OCA2: variants seen among roughly 807,000 people sequenced by gnomAD.
OCA2 encodes the protein OCA2 melanosomal transmembrane protein.
A neutral mutation model predicts 100.2 loss-of-function variants in OCA2; 77 were observed. The ratio of observed to expected loss-of-function variants is 0.77; its 90% CI spans 0.64 to 0.93. The LOEUF is 0.93. Ranked by LOEUF, OCA2 falls within the 40% of genes least tolerant of loss-of-function variation. The pLI, the probability that OCA2 is intolerant of heterozygous loss-of-function variation, is 0.00. For synonymous variants in OCA2, 432 were observed against 439.2 expected, an observed-to-expected ratio of 0.98 and a Z score of 0.21; for missense variants, 1,062 against 1,089.1, an observed-to-expected ratio of 0.98 and a Z score of 0.35.
At chr15:27,981,864 C>T (rs2041172862) in intron 14 of OCA2, among the ~76,000 whole-genome samples, 1 of 152,190 alleles carries the variant, frequency 6.6e-6, no homozygotes, top group Non-Finnish European at 1.5e-5. Flanking sequence ...TTCATCCTCT[C>T]AACTCAGGGG....
At chr15:27,930,025 A>G (rs1191641598) in intron 18 of OCA2, among the ~76,000 whole-genome samples, 1 of 152,184 alleles carries the variant, frequency 6.6e-6, no homozygotes, top group East Asian at 1.9e-4. Context: ...GGAACTTTCA[A>G]GCACTGCTGG....
intron 15 of OCA2, among the ~76,000 whole-genome samples, chr15:27,964,304 A>G (rs1311185722): frequency 6.6e-6 from 1 of 152,260 alleles, no homozygotes; most frequent in East Asian, 1.9e-4. Flanking sequence ...ATGTACACAA[A>G]AACAAAATGC....
chr15:27,933,752 C>T (rs373688829), intron 18 of OCA2, among the ~76,000 whole-genome samples: 13 of 152,232 alleles, frequency 8.5e-5, no homozygotes, highest in Middle Eastern at 3.4e-3. Context: ...GTTGGGACAG[C>T]GCAGGAACAA....
At chr15:27,931,967 T>C (rs2039267332) in intron 18 of OCA2, among the ~76,000 whole-genome samples, 1 of 152,222 alleles carries the variant, frequency 6.6e-6, no homozygotes, top group African/African-American at 2.4e-5. Context: ...AAACCTGCTC[T>C]GTACCTGCCT....
At chr15:28,075,177 T>C (rs2044393075) in intron 2 of OCA2, among the ~76,000 whole-genome samples, 1 of 151,926 alleles carries the variant, frequency 6.6e-6, no homozygotes, top group Non-Finnish European at 1.5e-5. Flanking sequence ...TTGGACAACA[T>C]CAAAATTAAA....
At chr15:27,940,689 G>C (rs1385186057) in intron 18 of OCA2, among the ~76,000 whole-genome samples, 2 of 152,160 alleles carry the variant, frequency 1.3e-5, no homozygotes, top group Non-Finnish European at 2.9e-5. Flanking sequence ...ATGTCATCTG[G>C]TCTGTTTGCA....
chr15:27,782,096 T>A (rs1396616168), intron 23 of OCA2, among the ~76,000 whole-genome samples: 1 of 152,242 alleles, frequency 6.6e-6, no homozygotes, highest in African/African-American at 2.4e-5. Flanking sequence ...TTTCTGTCTT[T>A]CCTTTTTTGC....
At chr15:27,844,386 C>T (rs1298822786) in intron 23 of OCA2, among the ~76,000 whole-genome samples, 1 of 152,246 alleles carries the variant, frequency 6.6e-6, no homozygotes, top group Non-Finnish European at 1.5e-5. Context: ...CAAGCTCCCA[C>T]TGGAATATTC....
At chr15:27,830,924 T>A (rs138448544) in intron 23 of OCA2, among the ~76,000 whole-genome samples, 2 of 152,286 alleles carry the variant, frequency 1.3e-5, no homozygotes, top group Admixed American at 1.3e-4. Flanking sequence ...TTGATGGAGC[T>A]ACAGAACCTT....
the OCA2 span, among the ~76,000 whole-genome samples, chr15:27,721,417 C>T: frequency 6.6e-5 from 10 of 152,182 alleles, no homozygotes; most frequent in South Asian, 6.2e-4. Context: ...TCACATTATA[C>T]GTGACACTAC....
At chr15:27,742,270 T>G in the OCA2 span, among the ~76,000 whole-genome samples, 2 of 152,192 alleles carry the variant, frequency 1.3e-5, no homozygotes, top group Non-Finnish European at 2.9e-5. Flanking sequence ...GGCTGCAGAT[T>G]GCAAGTTAAA....
In OCA2 at chr15:27,957,676, G is replaced by A. The variant is rs1192052771; in HGVS notation, c.1696C>T (p.Arg566Cys). ...AGGCGGCGCACAGCTGTCTCCTCGC[G>A]GCTGGCCGGGCTGATGCGCTGAGCA... ...LTAQRISPAS[R>C]EETAVRRLLL... The change falls in exon 16 of 24, where the codon CGC (arginine) becomes TGC (cysteine). Residue 566 changes from arginine (R) to cysteine (C), a missense_variant. Transcript: ENST00000354638. This position sits in a 1 kb window ranked among gnomAD's most constrained non-coding sequence, Gnocchi z 4.3. 1.4e-5 allele frequency: 22 copies of A among 1,612,944 alleles called. No homozygotes were observed. The highest frequency in any genetic ancestry group is 5.3e-5 in the African/African-American group (4 of 74,912).
intron 18 of OCA2, among the ~76,000 whole-genome samples, chr15:27,931,803 C>G (rs2703962): frequency 0.41 from 62,314 of 152,058 alleles, 12,827 homozygotes; most frequent in Middle Eastern, 0.52. Context: ...TCCAAACTAC[C>G]CTTTTGTCTC....
intron 18 of OCA2, among the ~76,000 whole-genome samples, chr15:27,946,764 T>C (rs1567139587): frequency 6.6e-6 from 1 of 152,220 alleles, no homozygotes; most frequent in Non-Finnish European, 1.5e-5. Flanking sequence ...ACTAGAATCT[T>C]TCCCAAGGCA....
At chr15:27,722,746 C>T in the OCA2 span, among the ~76,000 whole-genome samples, 1 of 130,718 alleles carries the variant, frequency 7.7e-6, no homozygotes, top group African/African-American at 2.9e-5. Flanking sequence ...TTTCTTCTTT[C>T]TTCTTCTTTC....
intron 19 of OCA2, among the ~76,000 whole-genome samples, chr15:27,909,329 C>A (rs1480422676): frequency 6.6e-6 from 1 of 152,152 alleles, no homozygotes; most frequent in Non-Finnish European, 1.5e-5. Context: ...GCTATTGCCA[C>A]ATTAATGTAT....
intron 14 of OCA2, among the ~76,000 whole-genome samples, chr15:27,981,103 C>T (rs912939549): frequency 3.3e-5 from 5 of 152,160 alleles, no homozygotes; most frequent in African/African-American, 1.2e-4. Flanking sequence ...ATTAATCTTT[C>T]CTTATGTAAT....
At chr15:28,071,160 A>T (rs976930576) in intron 2 of OCA2, among the ~76,000 whole-genome samples, 1 of 117,340 alleles carries the variant, frequency 8.5e-6, no homozygotes, top group African/African-American at 5.7e-5. Flanking sequence ...AATTATCAAT[A>T]AAAAAATAAA....
rs750093178 is a variant in OCA2 at position 27,922,677 on chromosome 15, TGG to T, written c.2079+3448_2079+3449del. On this transcript the variant is annotated intron_variant, in intron 19 of 23. Transcript: ENST00000354638. ...GACATAGCTTTTGTGGTTTTTTGTT[TGG>T]GGTGTGTGTGTGTGTGTGTGTGTGT... 5.7e-3 allele frequency among the ~76,000 whole-genome samples: 753 copies of T among 132,116 alleles called. 4 individuals carry two copies. Among genetic ancestry groups the T allele is most frequent in the Admixed American group, 9.9e-3 (118 of 11,970 alleles). The allele number at this position is 132,116 out of a possible 152,430, so 86.7% of individuals were successfully genotyped here.
Sources: allele counts gnomAD v4.1 joint callset (sites outside exome capture counted in the v4.1 genomes callset), GRCh38; gene constraint gnomAD v4.1.1; non-coding constraint Gnocchi (gnomAD v3.1); transcripts MANE v1.5; gene names NCBI Gene and HGNC (gene_info 2026-07-23, HGNC 2026-07-21).